The following CENPK variants were observed in gnomAD, a reference collection of about 807,000 sequenced individuals.
CENPK encodes the protein centromere protein K, also known as SoxLZ/Sox6-binding protein Solt.
Under a neutral mutation model 40.9 loss-of-function variants are expected in CENPK, and 46 were observed. That is an observed-to-expected ratio of 1.13 (90% CI 0.89 to 1.44). CENPK has a LOEUF of 1.44. Among genes scored for constraint, CENPK ranks in the 40% most tolerant of loss-of-function variants. The probability of loss-of-function intolerance (pLI) is 0.00; values close to 1 mark genes in which losing one functional copy is unlikely to be tolerated. For missense variants in CENPK, 288 were observed against 303.5 expected, an observed-to-expected ratio of 0.95 and a Z score of 0.38; for synonymous variants, 107 against 104.4, an observed-to-expected ratio of 1.02 and a Z score of -0.15.
chr5:65,507,655 T>C, the CENPK span, among the ~76,000 whole-genome samples: 1 of 152,330 alleles, frequency 6.6e-6, no homozygotes, highest in East Asian at 1.9e-4. Flanking sequence ...GATACAATTA[T>C]GTGTAACATT....
intron 9 of CENPK, among the ~76,000 whole-genome samples, chr5:65,523,199 C>G (rs940780650): frequency 6.6e-6 from 1 of 152,110 alleles, no homozygotes; most frequent in African/African-American, 2.4e-5. Context: ...CTATCTAGCC[C>G]TCTTACTTTC....
At chr5:65,531,328 G>T (rs1288114544) in intron 6 of CENPK, among the ~76,000 whole-genome samples, 2 of 151,596 alleles carry the variant, frequency 1.3e-5, no homozygotes, top group African/African-American at 4.8e-5. Context: ...TAATCAATGG[G>T]TCAAAGAAGC....
At chr5:65,552,903 A>C (rs1258195610) in intron 3 of CENPK, among the ~76,000 whole-genome samples, 1 of 152,098 alleles carries the variant, frequency 6.6e-6, no homozygotes. Flanking sequence ...GATCCTAAGA[A>C]ATCCTAAGAA....
downstream of CENPK, among the ~76,000 whole-genome samples, chr5:65,514,228 A>AAATTTT (rs1742690459): frequency 1.6e-5 from 1 of 61,648 alleles, no homozygotes; most frequent in African/African-American, 6.7e-5. Flanking sequence ...GCCTCACATA[A>AAATTTT]TCTTTTTTTT....
chr5:65,541,448 T>C (rs573136936), intron 6 of CENPK: 2 of 456,272 alleles, frequency 4.4e-6, no homozygotes, highest in Admixed American at 4.7e-5. Context: ...TGCCAAAGAA[T>C]TGGTTGCTGG....
In CENPK at chr5:65,559,438, G is replaced by A. The variant is rs545315198; in HGVS notation, c.-40+2025C>T. Among the ~76,000 whole-genome samples, 34 of 151,796 alleles carry A rather than the reference G, an allele frequency of 2.2e-4. No homozygotes were observed. The South Asian group carries it at 5.6e-3, about 25-fold the overall frequency. ...AGGTCAGGAGATCGAGACCATCCCG[G>A]CTAAAAGGGTGAAACCCCGTCTCTA... On this transcript the variant is annotated intron_variant, in intron 2 of 10. Transcript: ENST00000396679.
downstream of CENPK, among the ~76,000 whole-genome samples, chr5:65,513,290 T>C (rs1033089988): frequency 2.0e-5 from 3 of 152,212 alleles, no homozygotes; most frequent in Non-Finnish European, 4.4e-5. Flanking sequence ...TAGCAGCTAT[T>C]CTGGGTCGTT....
chr5:65,528,113 C>T (rs1471775886), intron 9 of CENPK, among the ~76,000 whole-genome samples: 5 of 152,064 alleles, frequency 3.3e-5, no homozygotes, highest in African/African-American at 1.2e-4. Flanking sequence ...TGGTGGCACA[C>T]ACCTGTAGTC....
intron 1 of CENPK, among the ~76,000 whole-genome samples, chr5:65,562,121 A>G (rs1281777038): frequency 1.3e-5 from 2 of 152,146 alleles, no homozygotes; most frequent in Non-Finnish European, 2.9e-5. Context: ...TTAGTCCATA[A>G]TAATGCTTAA....
intron 4 of CENPK, 123 bp from the exon 5 acceptor site, chr5:65,551,759 G>A: frequency 2.2e-6 from 1 of 457,534 alleles, no homozygotes; most frequent in Non-Finnish European, 3.9e-6. Context: ...CTCTCACGCT[G>A]CTCCAGAGGC....
At chr5:65,537,344 A>G (rs1747102381) in intron 6 of CENPK, among the ~76,000 whole-genome samples, 1 of 152,154 alleles carries the variant, frequency 6.6e-6, no homozygotes, top group Non-Finnish European at 1.5e-5. Context: ...TCGCTCTGTC[A>G]TCCAGGCTGG....
chr5:65,555,013 T>C (rs1473531764), intron 2 of CENPK, 67 bp from the exon 3 acceptor site: 9 of 741,002 alleles, frequency 1.2e-5, no homozygotes, highest in Non-Finnish European at 1.9e-5. Flanking sequence ...CAGATACTCA[T>C]CTAGGGGGTA....
At chr5:65,506,320 C>G in the CENPK span, among the ~76,000 whole-genome samples, 1 of 151,354 alleles carries the variant, frequency 6.6e-6, no homozygotes, top group South Asian at 2.1e-4. Context: ...CCACTGAACT[C>G]CAGCCTTTGC....
At chr5:65,536,551 C>G (rs1746926339) in intron 6 of CENPK, among the ~76,000 whole-genome samples, 1 of 152,086 alleles carries the variant, frequency 6.6e-6, no homozygotes, top group Non-Finnish European at 1.5e-5. Context: ...TCATTTGACC[C>G]CAGCAGTTTG....
chr5:65,520,218 T>A (rs1454306471), intron 10 of CENPK, among the ~76,000 whole-genome samples: 4 of 152,082 alleles, frequency 2.6e-5, no homozygotes, highest in Non-Finnish European at 5.9e-5. Context: ...CCTTTCCCCC[T>A]CCCTCTTGCT....
chr5:65,557,533 G>A (rs1003829922), intron 2 of CENPK, among the ~76,000 whole-genome samples: 1 of 152,130 alleles, frequency 6.6e-6, no homozygotes, highest in Non-Finnish European at 1.5e-5. Flanking sequence ...AGCACAAAAG[G>A]AAGAGATCAA....
chr5:65,522,949 A>G (rs778316127), intron 9 of CENPK, among the ~76,000 whole-genome samples: 3 of 152,172 alleles, frequency 2.0e-5, no homozygotes, highest in Non-Finnish European at 2.9e-5. Flanking sequence ...TTAGACAGCT[A>G]TTTTTTCCTT....
intron 3 of CENPK, among the ~76,000 whole-genome samples, chr5:65,552,911 G>C (rs13170899): frequency 0.35 from 53,719 of 151,858 alleles, 9,910 homozygotes; most frequent in East Asian, 0.58. Flanking sequence ...GAAATCCTAA[G>C]AAAATAAATA....
intron 2 of CENPK, among the ~76,000 whole-genome samples, chr5:65,558,767 T>C (rs909428406): frequency 5.3e-5 from 8 of 152,074 alleles, no homozygotes; most frequent in African/African-American, 1.9e-4. Context: ...AGAATGGCCA[T>C]AGGAATAAGT....
Sources: allele counts gnomAD v4.1 joint callset (sites outside exome capture counted in the v4.1 genomes callset), GRCh38; gene constraint gnomAD v4.1.1; transcripts MANE v1.5; gene names NCBI Gene and HGNC (gene_info 2026-07-23, HGNC 2026-07-21).